Variants in NEK7 observed in about 807,000 individuals in gnomAD.
NEK7 encodes the protein NIMA related kinase 7.
A neutral mutation model predicts 44.6 loss-of-function variants in NEK7; 18 were observed. That is an observed-to-expected ratio of 0.40 (90% CI 0.28 to 0.60). The LOEUF is 0.60. Among genes scored for constraint, NEK7 ranks in the 20% least tolerant of loss-of-function variants. NEK7 has a pLI of 0.38. For synonymous variants in NEK7, 130 were observed against 121.1 expected (o/e 1.07, Z -0.48); for missense variants, 256 against 366.5 (o/e 0.70, Z 2.46).
intron 3 of NEK7, chr1:198,256,607 C>T: frequency 4.9e-6 from 6 of 1,234,382 alleles, no homozygotes; most frequent in Non-Finnish European, 6.5e-6. Context: ...TTCATTCCTC[C>T]AGTATTTATT....
chr1:198,213,544 A>G (rs1665836725), intron 1 of NEK7, among the ~76,000 whole-genome samples: 1 of 151,838 alleles, frequency 6.6e-6, no homozygotes, highest in African/African-American at 2.4e-5. Flanking sequence ...GAGGAGGAGC[A>G]CTCTCCTCGT....
intron 2 of NEK7, among the ~76,000 whole-genome samples, chr1:198,252,194 T>A (rs924162254): frequency 1.3e-5 from 2 of 152,000 alleles, no homozygotes; most frequent in Non-Finnish European, 2.9e-5. Flanking sequence ...TTTGAGTGAG[T>A]TTCTTAATCC....
intron 1 of NEK7, among the ~76,000 whole-genome samples, chr1:198,231,780 A>G (rs189971651): frequency 2.0e-4 from 30 of 152,188 alleles, no homozygotes; most frequent in Admixed American, 8.5e-4. Flanking sequence ...TTTAAAGAGT[A>G]TGATGAAGTG....
intron 7 of NEK7, among the ~76,000 whole-genome samples, chr1:198,281,050 C>CA (rs1654180203): frequency 1.3e-5 from 2 of 151,726 alleles, no homozygotes; most frequent in African/African-American, 4.8e-5. Flanking sequence ...GTTCACTAAG[C>CA]ATAGTGCATT....
At chr1:198,206,039 G>T (rs1403819302) in intron 1 of NEK7, among the ~76,000 whole-genome samples, 1 of 151,802 alleles carries the variant, frequency 6.6e-6, no homozygotes, top group African/African-American at 2.4e-5. Flanking sequence ...TGGGATTTGG[G>T]GTTTGCTTAA....
chr1:198,157,836 A>C (rs979911268), intron 1 of NEK7, among the ~76,000 whole-genome samples: 14 of 152,168 alleles, frequency 9.2e-5, no homozygotes, highest in African/African-American at 3.4e-4. Flanking sequence ...AACTTGGGAG[A>C]GACTCGGGAT....
At chr1:198,219,083 A>G (rs897269964) in intron 1 of NEK7, among the ~76,000 whole-genome samples, 1 of 151,926 alleles carries the variant, frequency 6.6e-6, no homozygotes, top group African/African-American at 2.4e-5. Context: ...AAAAGAAGTC[A>G]CTGTATCAAA....
At chr1:198,201,768 A>G (rs1217246148) in intron 1 of NEK7, among the ~76,000 whole-genome samples, 1 of 152,198 alleles carries the variant, frequency 6.6e-6, no homozygotes, top group Non-Finnish European at 1.5e-5. Context: ...TCCAGGTGAC[A>G]CCAAGACACA....
chr1:198,162,538 T>G (rs1664140901), intron 1 of NEK7, among the ~76,000 whole-genome samples: 1 of 152,124 alleles, frequency 6.6e-6, no homozygotes, highest in Admixed American at 6.5e-5. Context: ...CCTTTGTAAA[T>G]GTATGGTAGC....
intron 9 of NEK7, 76 bp from the exon 10 acceptor site, chr1:198,319,336 C>T (rs1655469725): frequency 2.3e-6 from 2 of 861,678 alleles, no homozygotes; most frequent in Middle Eastern, 2.3e-4. Flanking sequence ...TATAGCTATT[C>T]ATAATTTCTT....
intron 7 of NEK7, among the ~76,000 whole-genome samples, chr1:198,284,627 A>T (rs1414322029): frequency 6.6e-6 from 1 of 152,146 alleles, no homozygotes; most frequent in Non-Finnish European, 1.5e-5. Flanking sequence ...TAAGAGGCAA[A>T]ATGTACTTTT....
intron 3 of NEK7, among the ~76,000 whole-genome samples, chr1:198,261,573 C>T (rs1157355344): frequency 2.6e-5 from 4 of 151,872 alleles, no homozygotes; most frequent in Admixed American, 2.6e-4. Flanking sequence ...ATCAGGAAGA[C>T]TTGATCAAGC....
chr1:198,206,900 T>A (rs934066647), intron 1 of NEK7: 1 of 152,174 alleles, frequency 6.6e-6, no homozygotes, highest in Non-Finnish European at 1.5e-5. Context: ...GTCCTCATAG[T>A]GGGCTTAATT....
chr1:198,183,183 C>T (rs565190552), intron 1 of NEK7, among the ~76,000 whole-genome samples: 5 of 152,098 alleles, frequency 3.3e-5, no homozygotes, highest in Non-Finnish European at 5.9e-5. Context: ...CTGGAAAACC[C>T]GTCTTTAGAG....
Position 198,322,098 on chromosome 1 carries a change from A to G in NEK7, c.*2576A>G, listed in dbSNP as rs1176947754. ...TGAATGCTTTACCATTCAACATAGT[A>G]TCTATTACAAAACACCTTTCTTGTA... On this transcript the variant is annotated 3_prime_UTR_variant, in exon 10 of 10. Coordinates refer to ENST00000367385, the MANE Select transcript of NEK7 (RefSeq NM_133494.3). 6.6e-6 allele frequency: 1 copy of G among 152,154 alleles called. No individual in the cohort carries two copies. The highest frequency in any genetic ancestry group is 1.5e-5 in the Non-Finnish European group (1 of 67,998). 9.4% of individuals were successfully genotyped at this position (152,154 alleles called of 1,614,324 possible). A position where few individuals can be genotyped will look rare whatever the true frequency, so the allele number is the denominator to read the frequency against.
intron 1 of NEK7, among the ~76,000 whole-genome samples, chr1:198,201,325 T>C (rs910500671): frequency 6.6e-6 from 1 of 152,272 alleles, no homozygotes; most frequent in African/African-American, 2.4e-5. Flanking sequence ...TAGAATTGTT[T>C]TATTAGTTTC....
chr1:198,310,559 G>A lies in NEK7; in HGVS notation c.799-8853G>A, dbSNP rs543399851. ...TGGTAACGCCTAGGTTTTCTTCTAGGGTTTTTATGGTTATAGGTCTAACGT... is the reference window on the plus strand; with the variant it reads ...TGGTAACGCCTAGGTTTTCTTCTAGAGTTTTTATGGTTATAGGTCTAACGT... On this transcript the variant is annotated intron_variant, in intron 9 of 9. Coordinates refer to ENST00000367385, the MANE Select transcript of NEK7 (RefSeq NM_133494.3). Among the ~76,000 whole-genome samples the A allele has an allele frequency of 3.9e-3, 560 of 143,242 alleles. 11 individuals are homozygous for A. The highest frequency in any genetic ancestry group is 0.014 in the Middle Eastern group (4 of 288). The allele number at this position is 143,242 out of a possible 152,430, so 94.0% of individuals were successfully genotyped here. A position where few individuals can be genotyped will look rare whatever the true frequency, so the allele number is the denominator to read the frequency against.
intron 1 of NEK7, among the ~76,000 whole-genome samples, chr1:198,187,375 C>T (rs544570721): frequency 6.6e-6 from 1 of 152,202 alleles, no homozygotes; most frequent in South Asian, 2.1e-4. Flanking sequence ...AATGAACCAC[C>T]CCTGGGCCCT....
intron 2 of NEK7, among the ~76,000 whole-genome samples, chr1:198,251,165 T>C (rs1057119501): frequency 3.3e-5 from 5 of 152,136 alleles, no homozygotes; most frequent in African/African-American, 1.2e-4. Flanking sequence ...TGGTTCTGTT[T>C]ATATGCTGGA....
Sources: gnomAD v4.1 joint callset for allele counts (sites outside exome capture counted in the v4.1 genomes callset) on GRCh38, gnomAD v4.1.1 for gene constraint, MANE v1.5 for transcripts, NCBI Gene and HGNC (gene_info 2026-07-23, HGNC 2026-07-21) for gene names.